Variants in ANXA10 observed in about 807,000 individuals in gnomAD.
ANXA10 encodes the protein annexin 14.
ANXA10 carries 49 observed loss-of-function variants against 53.5 expected under a neutral mutation model. The ratio of observed to expected loss-of-function variants is 0.92; its 90% CI spans 0.73 to 1.16. The LOEUF (loss-of-function observed/expected upper bound fraction) is 1.16. Ranked by LOEUF, ANXA10 falls within the 50% of genes most tolerant of loss-of-function variation. The pLI, the probability that ANXA10 is intolerant of heterozygous loss-of-function variation, is 0.00. For synonymous variants in ANXA10, 131 were observed against 128.9 expected (o/e 1.02, Z -0.11); for missense variants, 393 against 394.4 (o/e 1.00, Z 0.03).
chr4:168,181,654 TTTC>T lies in ANXA10; in HGVS notation c.725-21_725-19del, dbSNP rs748353749. 2.3e-4 allele frequency: 354 copies of T among 1,559,856 alleles called. 1 individual carries two copies. Among genetic ancestry groups the T allele is most frequent in the Non-Finnish European group, 2.9e-4 (328 of 1,134,786 alleles). ...AAAATATATGTTTTCACTCTCAATGTTTCTTCTTCTCTCTCTGATTTCTCCTAG... is the reference window on the plus strand; with the variant it reads ...AAAATATATGTTTTCACTCTCAATGTTTCTTCTCTCTCTGATTTCTCCTAG... On this transcript the variant is annotated intron_variant, in intron 9 of 11. Coordinates refer to ENST00000359299, the MANE Select transcript of ANXA10 (RefSeq NM_007193.5).
At chr4:168,181,913 A>C (rs1732256043) in intron 10 of ANXA10, among the ~76,000 whole-genome samples, 172 bp downstream of exon 10, 1 of 152,254 alleles carries the variant, frequency 6.6e-6, no homozygotes, top group Admixed American at 6.5e-5. Context: ...AAGACATATC[A>C]GATAAAAATA....
chr4:168,112,462 G>A (rs76554455), intron 1 of ANXA10, among the ~76,000 whole-genome samples: 100,682 of 151,750 alleles, frequency 0.66, 33,973 homozygotes, highest in African/African-American at 0.77. Context: ...TTCTCTTTTG[G>A]TTGCTATTAA....
At position 168,096,803 on chromosome 4, in the gene ANXA10, C is replaced by T. The variant is rs184749357; in HGVS notation, c.18+4085C>T. 1.8e-3 allele frequency among the ~76,000 whole-genome samples: 275 copies of T among 151,138 alleles called. 1 individual carries two copies. The Middle Eastern group carries it at 0.02, about 11-fold the overall frequency. On this transcript the variant is annotated intron_variant, in intron 1 of 11. Coordinates refer to ENST00000359299, the MANE Select transcript of ANXA10 (RefSeq NM_007193.5). ...TGAGCTATTATTCACAGTACCAGTG[C>T]CAAAGCTTGAATCCGACTCTGTCTA...
chr4:168,126,053 T>A (rs775023263), intron 1 of ANXA10, among the ~76,000 whole-genome samples: 1 of 152,176 alleles, frequency 6.6e-6, no homozygotes, highest in Non-Finnish European at 1.5e-5. Context: ...ATACACATTA[T>A]TTCTCACTGT....
At chr4:168,178,824 C>A (rs900184610) in intron 8 of ANXA10, among the ~76,000 whole-genome samples, 1 of 152,144 alleles carries the variant, frequency 6.6e-6, no homozygotes, top group Admixed American at 6.5e-5. Flanking sequence ...ACAGAGAGGA[C>A]TTTTACACTT....
chr4:168,127,982 C>T, intron 1 of ANXA10, 102 bp from the exon 2 acceptor site: 1 of 1,063,464 alleles, frequency 9.4e-7, no homozygotes, highest in South Asian at 1.4e-5. Context: ...CCTCTGCCTC[C>T]CAAAGTGCAG....
Position 168,165,238 on chromosome 4 carries a change from C to T in ANXA10, c.401-9C>T, listed in dbSNP as rs373935458. ...ATAAATCATACCTTTAACATGTTTT[C>T]TTATACAGAATACAGCAATAACCTC... On this transcript the variant is annotated splice_polypyrimidine_tract_variant and intron_variant, in intron 5 of 11. Transcript: ENST00000359299. The T allele has an allele frequency of 3.3e-6, 5 of 1,526,504 alleles. 1 individual carries two copies. The highest frequency in any genetic ancestry group is 3.8e-4 in the Middle Eastern group (2 of 5,274). The allele number at this position is 1,526,504 out of a possible 1,614,324, so 94.6% of individuals were successfully genotyped here. A position where few individuals can be genotyped will look rare whatever the true frequency, so the allele number is the denominator to read the frequency against.
chr4:168,161,498 C>T (rs1578927043), intron 3 of ANXA10, among the ~76,000 whole-genome samples: 1 of 152,206 alleles, frequency 6.6e-6, no homozygotes. Context: ...TAGTGTGATG[C>T]GTCCAGCTTT....
intron 1 of ANXA10, among the ~76,000 whole-genome samples, chr4:168,098,414 G>A (rs1560956513): frequency 1.3e-5 from 2 of 152,024 alleles, no homozygotes; most frequent in Admixed American, 6.6e-5. Context: ...TTTCAGTATA[G>A]CCTCACACAC....
At chr4:168,118,335 T>A (rs1730930979) in intron 1 of ANXA10, among the ~76,000 whole-genome samples, 1 of 152,210 alleles carries the variant, frequency 6.6e-6, no homozygotes, top group Non-Finnish European at 1.5e-5. Context: ...TGTGTAATGA[T>A]CAGTGTCACA....
intron 3 of ANXA10, among the ~76,000 whole-genome samples, chr4:168,154,260 C>A (rs1216732391): frequency 6.6e-6 from 1 of 152,072 alleles, no homozygotes; most frequent in Non-Finnish European, 1.5e-5. Context: ...CCAAGTTTTT[C>A]TTTATCCACA....
chr4:168,156,034 GTAT>G (rs1399300658), intron 3 of ANXA10, among the ~76,000 whole-genome samples: 7 of 16,866 alleles, frequency 4.2e-4, no homozygotes, highest in Admixed American at 1.3e-3. Flanking sequence ...ATTATATATA[GTAT>G]TATATTATAT....
At chr4:168,096,535 T>A (rs1451182961) in intron 1 of ANXA10, among the ~76,000 whole-genome samples, 1 of 152,106 alleles carries the variant, frequency 6.6e-6, no homozygotes, top group Non-Finnish European at 1.5e-5. Context: ...AACCATAGAT[T>A]GGTTTTAATC....
chr4:168,147,261 A>C (rs1168947986), intron 3 of ANXA10, among the ~76,000 whole-genome samples: 1 of 152,200 alleles, frequency 6.6e-6, no homozygotes, highest in Non-Finnish European at 1.5e-5. Flanking sequence ...AATATCAGGC[A>C]TCAGGGTCAC....
chr4:168,144,180 C>CT (rs372900968), intron 3 of ANXA10, among the ~76,000 whole-genome samples: 61 of 149,764 alleles, frequency 4.1e-4, no homozygotes, highest in Admixed American at 2.2e-3. Context: ...GATTGTTGTT[C>CT]TTTTTTTTTT....
intron 11 of ANXA10, 45 bp from the exon 12 acceptor site, chr4:168,187,321 C>A (rs3828561): frequency 0.027 from 34,236 of 1,287,760 alleles, 2,474 homozygotes; most frequent in African/African-American, 0.17. Flanking sequence ...CTTTTTAGAA[C>A]TATTATGATA....
intron 2 of ANXA10, among the ~76,000 whole-genome samples, chr4:168,128,455 C>T (rs1262393563): frequency 6.6e-6 from 1 of 152,126 alleles, no homozygotes; most frequent in Admixed American, 6.6e-5. Flanking sequence ...CACTAAAACA[C>T]CTTAATCCAG....
rs184737812 is a variant in ANXA10 at position 168,148,599 on chromosome 4, A to T, written c.195+9019A>T. Among the ~76,000 whole-genome samples, 311 of 152,294 alleles carry T rather than the reference A, an allele frequency of 2.0e-3. 1 individual carries two copies. The highest frequency in any genetic ancestry group is 0.02 in the Middle Eastern group (6 of 294). ...GGAGCTGGGGAAATTTTCTAGGCAC[A>T]TATTATTATTGATCAATATTTTTAT... On this transcript the variant is annotated intron_variant, in intron 3 of 11. Coordinates refer to ENST00000359299, the MANE Select transcript of ANXA10 (RefSeq NM_007193.5).
chr4:168,124,006 G>A (rs1305504659), intron 1 of ANXA10, among the ~76,000 whole-genome samples: 1 of 151,990 alleles, frequency 6.6e-6, no homozygotes, highest in African/African-American at 2.4e-5. Flanking sequence ...CTCCCATTCA[G>A]GTTTACTCTC....
Sources: gnomAD v4.1 joint callset for allele counts (sites outside exome capture counted in the v4.1 genomes callset) on GRCh38, gnomAD v4.1.1 for gene constraint, MANE v1.5 for transcripts, NCBI Gene and HGNC (gene_info 2026-07-23, HGNC 2026-07-21) for gene names.